The following TRHR variants were observed in gnomAD, a reference collection of about 807,000 sequenced individuals.
The protein encoded by TRHR is thyrotropin-releasing hormone receptor.
A neutral mutation model predicts 28.0 loss-of-function variants in TRHR; 14 were observed. The observed-to-expected ratio is 0.50, with a 90% CI of 0.33 to 0.78. TRHR has a LOEUF of 0.78. Among genes scored for constraint, TRHR ranks in the 30% least tolerant of loss-of-function variants. TRHR has a pLI of 0.02. For synonymous variants in TRHR, 176 were observed against 171.9 expected (o/e 1.02, Z -0.18); for missense variants, 438 against 469.5 (o/e 0.93, Z 0.62).
In TRHR at chr8:109,088,065, A is replaced by T; in HGVS notation, c.553A>T (p.Arg185Trp). 1 of 1,614,182 alleles carries T rather than the reference A, an allele frequency of 6.2e-7. No homozygotes were observed. The highest frequency in any genetic ancestry group is 8.5e-7 in the Non-Finnish European group (1 of 1,180,028). Residue 185 changes from arginine to tryptophan, a missense_variant, in exon 2 of 3, where the codon AGG becomes TGG. Coordinates refer to ENST00000518632, the MANE Select transcript of TRHR (RefSeq NM_003301.7). ...IVISCGYKIS[R>W]NYYSPIYLMD... The stretch of plus-strand genomic sequence containing the variant: ...GATATCCTGTGGCTACAAGATCTCC[A>T]GGAATTACTACTCACCTATTTACCT...
Position 109,119,139 on chromosome 8 carries a change from G to C in TRHR, c.881G>C (p.Ser294Thr). The C allele has an allele frequency of 1.2e-6, 2 of 1,612,732 alleles. No individual in the cohort carries two copies. Among genetic ancestry groups the C allele is most frequent in the South Asian group, 2.2e-5 (2 of 91,048 alleles). ...GTGGTTGTCAACTCATTTCTCTCCA[G>C]TCCTTTCCAAGAAAATTGGTTTTTG... ...TLVVVNSFLSSPFQENWFLLF... is the reference protein window; with the variant it reads ...TLVVVNSFLSTPFQENWFLLF... Residue 294 changes from serine to threonine, a missense_variant, in exon 3 of 3, where the codon AGT becomes ACT. Physicochemically the swap from Ser to Thr is moderately conservative, Grantham distance 58 (BLOSUM62 1). Coordinates refer to ENST00000518632, the MANE Select transcript of TRHR (RefSeq NM_003301.7).
intron 2 of TRHR, among the ~76,000 whole-genome samples, chr8:109,097,157 A>C (rs1811606154): frequency 6.6e-6 from 1 of 152,150 alleles, no homozygotes; most frequent in African/African-American, 2.4e-5. Context: ...GAACCTTTAA[A>C]TTCCCTCCAC....
chr8:109,094,651 G>A (rs74604242), intron 2 of TRHR, among the ~76,000 whole-genome samples: 4,310 of 151,414 alleles, frequency 0.028, 102 homozygotes, highest in South Asian at 0.14. Context: ...CTAAAGTTGT[G>A]TGTTTTGTGT....
chr8:109,115,417 C>T (rs1417877666), intron 2 of TRHR, among the ~76,000 whole-genome samples: 9 of 152,134 alleles, frequency 5.9e-5, no homozygotes, highest in Non-Finnish European at 1.3e-4. Flanking sequence ...GCCATTTTCA[C>T]GATATTGATT....
At position 109,087,713 on chromosome 8, in the gene TRHR, G is replaced by T. The variant is rs1038444860; in HGVS notation, c.201G>T (p.Leu67=). ...CCACAAACTGCTACCTGGTGAGCCT[G>T]GCAGTAGCTGATCTCATGGTCTTGG... ...RTPTNCYLVS[L]AVADLMVLVA... is the part of the protein sequence containing the mutation. Residue 67 remains leucine, a synonymous_variant, in exon 2 of 3, where the codon CTG becomes CTT. Transcript: ENST00000518632. The T allele has an allele frequency of 3.7e-6, 6 of 1,614,010 alleles. No individual in the cohort carries two copies. The highest frequency in any genetic ancestry group is 1.3e-5 in the African/African-American group (1 of 74,912).
Position 109,087,517 on chromosome 8 carries a change from A to G in TRHR, c.5A>G (p.Glu2Gly). The G allele has an allele frequency of 6.2e-7, 1 of 1,614,200 alleles. No homozygotes were observed. The highest frequency in any genetic ancestry group is 8.5e-7 in the Non-Finnish European group (1 of 1,180,040). Residue 2 changes from glutamate to glycine, a missense_variant, in exon 2 of 3, where the codon GAA becomes GGA. Glu to Gly is a moderately conservative substitution (Grantham distance 98). Transcript: ENST00000518632. ...AGAAACTTTAAGCTTCTAAAGATGG[A>G]AAACGAGACAGTCAGTGAACTGAAC... M[E>G]NETVSELNQT...
At chr8:109,086,909 G>C (rs1306020424) in intron 1 of TRHR, 26 bp downstream of exon 1, 1 of 156,830 alleles carries the variant, frequency 6.4e-6, no homozygotes, top group South Asian at 1.9e-4. Context: ...GTCCTCTCTT[G>C]AATCTGTGGG....
chr8:109,114,701 G>A lies in TRHR; in HGVS notation c.790-4347G>A, dbSNP rs141353152. ...TAATCTCTGCAAGAACAGTCTTCTC[G>A]TCTCTCTTTATCTTAAGATTTTAAC... On this transcript the variant is annotated intron_variant, in intron 2 of 2. Coordinates refer to ENST00000518632, the MANE Select transcript of TRHR (RefSeq NM_003301.7). 5.5e-4 allele frequency among the ~76,000 whole-genome samples: 83 copies of A among 152,042 alleles called. No individual in the cohort carries two copies. In the East Asian group the frequency reaches 0.013, roughly 24 times the overall value.
Position 109,120,885 on chromosome 8 carries a change from T to A in TRHR, c.*1430T>A, listed in dbSNP as rs1160467425. Among the ~76,000 whole-genome samples, 1 of 151,710 alleles carries A rather than the reference T, an allele frequency of 6.6e-6. No homozygotes were observed. The highest frequency in any genetic ancestry group is 2.0e-4 in the East Asian group (1 of 5,122). ...AATGAGTAGATCAAAAAAGTACCCATACCTTTACATGCCCGTAGGCTGTCA... is the reference window on the plus strand; with the variant it reads ...AATGAGTAGATCAAAAAAGTACCCAAACCTTTACATGCCCGTAGGCTGTCA... On this transcript the variant is annotated 3_prime_UTR_variant, in exon 3 of 3. Transcript: ENST00000518632.
chr8:109,113,881 A>G (rs1296806880), intron 2 of TRHR, among the ~76,000 whole-genome samples: 1 of 152,104 alleles, frequency 6.6e-6, no homozygotes, highest in Non-Finnish European at 1.5e-5. Flanking sequence ...AGATAACCCA[A>G]TTAGCCTGTT....
intron 2 of TRHR, among the ~76,000 whole-genome samples, chr8:109,109,036 G>C (rs1811790398): frequency 6.6e-6 from 1 of 152,172 alleles, no homozygotes; most frequent in Non-Finnish European, 1.5e-5. Flanking sequence ...CTTCGAAGCA[G>C]AACACTGAAA....
chr8:109,105,980 C>T (rs2129912276), intron 2 of TRHR, among the ~76,000 whole-genome samples: 1 of 152,178 alleles, frequency 6.6e-6, no homozygotes, highest in Non-Finnish European at 1.5e-5. Context: ...GGTACATGTA[C>T]TGGTGTATGA....
chr8:109,094,884 T>C (rs1454000062), intron 2 of TRHR, among the ~76,000 whole-genome samples: 1 of 152,120 alleles, frequency 6.6e-6, no homozygotes, highest in Non-Finnish European at 1.5e-5. Flanking sequence ...AACTTGAAGA[T>C]GACAAACTAC....
At chr8:109,113,142 A>G (rs1811864436) in intron 2 of TRHR, among the ~76,000 whole-genome samples, 1 of 152,076 alleles carries the variant, frequency 6.6e-6, no homozygotes, top group Admixed American at 6.6e-5. Context: ...GGCCACCCCC[A>G]CACTGTGCAC....
chr8:109,119,335 G>T lies in TRHR; in HGVS notation c.1077G>T (p.Glu359Asp), dbSNP rs980698932. 30 of 1,612,310 alleles carry T rather than the reference G, an allele frequency of 1.9e-5. No individual in the cohort carries two copies. The highest frequency in any genetic ancestry group is 2.5e-5 in the Non-Finnish European group (30 of 1,179,046). Residue 359 changes from glutamate (E) to aspartate (D), a missense_variant, in exon 3 of 3, where the codon GAG becomes GAT. By Grantham distance (45) the Glu-to-Asp change is conservative (BLOSUM62 2). Transcript: ENST00000518632. The stretch of plus-strand genomic sequence containing the variant: ...CCCTAAATTACAGCGTCATCAAGGA[G>T]TCAGACCATTTCAGCACAGAGCTTG... ...SVALNYSVIK[E>D]SDHFSTELDD...
At chr8:109,117,884 A>C (rs888446610) in intron 2 of TRHR, among the ~76,000 whole-genome samples, 2 of 151,934 alleles carry the variant, frequency 1.3e-5, no homozygotes, top group Non-Finnish European at 2.9e-5. Context: ...ACATATTCTC[A>C]CTGAACAATT....
At chr8:109,094,465 T>C (rs1390813172) in intron 2 of TRHR, among the ~76,000 whole-genome samples, 1 of 152,098 alleles carries the variant, frequency 6.6e-6, no homozygotes, top group African/African-American at 2.4e-5. Context: ...TGGGTTCAAC[T>C]ATATACTTAA....
chr8:109,114,925 CA>C (rs1251107955), intron 2 of TRHR, among the ~76,000 whole-genome samples: 1 of 151,968 alleles, frequency 6.6e-6, no homozygotes, highest in African/African-American at 2.4e-5. Flanking sequence ...GACTGATACA[CA>C]GTAGGGATGC....
chr8:109,119,064 C>T lies in TRHR; in HGVS notation c.806C>T (p.Ala269Val), dbSNP rs2129941740. The T allele has an allele frequency of 6.2e-7, 1 of 1,612,690 alleles. No homozygotes were observed. Among genetic ancestry groups the T allele is most frequent in the Non-Finnish European group, 8.5e-7 (1 of 1,179,056 alleles). The change falls in exon 3 of 3, where the codon GCA becomes GTA. Residue 269 changes from alanine (A) to valine (V), a missense_variant. Ala to Val is a moderately conservative substitution (Grantham distance 64, BLOSUM62 0). Coordinates refer to ENST00000518632, the MANE Select transcript of TRHR (RefSeq NM_003301.7). Reference sequence around the variant, plus strand: ...TCTCCCTAGGTCACCAAGATGCTGGCAGTGGTTGTAATTCTGTTTGCCCTT... The same window carrying T: ...TCTCCCTAGGTCACCAAGATGCTGGTAGTGGTTGTAATTCTGTTTGCCCTT... Reference protein sequence around the residue: ...SSRKQVTKMLAVVVILFALLW... With the variant: ...SSRKQVTKMLVVVVILFALLW...
Sources: allele counts gnomAD v4.1 joint callset (sites outside exome capture counted in the v4.1 genomes callset), GRCh38; gene constraint gnomAD v4.1.1; transcripts MANE v1.5; gene names NCBI Gene and HGNC (gene_info 2026-07-23, HGNC 2026-07-21).